FAM107B: variants seen among roughly 807,000 people sequenced by gnomAD.
FAM107B encodes the protein family with sequence similarity 107 member B, also known as protein FAM107B.
FAM107B carries 21 observed loss-of-function variants against 31.5 expected under a neutral mutation model. The observed-to-expected ratio is 0.67, with a 90% CI of 0.47 to 0.96. The LOEUF (loss-of-function observed/expected upper bound fraction) is 0.96, where lower values mean the gene tolerates loss of function less well. FAM107B is among the 40% of genes least tolerant of loss of function. FAM107B has a pLI of 0.00. For missense variants in FAM107B, 452 were observed against 377.1 expected (o/e 1.20, Z -1.64); for synonymous variants, 157 against 141.5 (o/e 1.11, Z -0.78).
In FAM107B at chr10:14,771,028, G is replaced by T. The variant is rs1833290720; in HGVS notation, c.411+3225C>A. The stretch of plus-strand genomic sequence containing the variant: ...AAGATTATTTGTGGCCTCTACAGAG[G>T]CAGCTTAAATAATGAGGATCAGTGC... On this transcript the variant is annotated intron_variant, in intron 1 of 4. Transcript: ENST00000181796. Among the ~76,000 whole-genome samples, 3 of 148,184 alleles carry T rather than the reference G, an allele frequency of 2.0e-5. No individual in the cohort carries two copies. In the South Asian group the frequency reaches 6.5e-4, roughly 32 times the overall value.
intron 1 of FAM107B, among the ~76,000 whole-genome samples, chr10:14,744,624 T>C (rs1430227496): frequency 1.3e-5 from 2 of 152,234 alleles, no homozygotes; most frequent in Non-Finnish European, 2.9e-5. Context: ...TTGTCTTTAG[T>C]TCTGTTTTTG....
intron 3 of FAM107B, among the ~76,000 whole-genome samples, chr10:14,524,093 G>A (rs1439830647): frequency 6.7e-6 from 1 of 150,268 alleles, no homozygotes; most frequent in Non-Finnish European, 1.5e-5. Flanking sequence ...CCAGGATGGA[G>A]TGCAATGGCA....
At chr10:14,669,146 T>C (rs185674529) in intron 1 of FAM107B, among the ~76,000 whole-genome samples, 73 of 152,060 alleles carry the variant, frequency 4.8e-4, no homozygotes, top group Admixed American at 2.4e-3. Context: ...GGCGGGTGGA[T>C]TGCCTGAGCC....
At chr10:14,718,430 A>AGAGG (rs1419985962) in intron 1 of FAM107B, among the ~76,000 whole-genome samples, 2 of 142,556 alleles carry the variant, frequency 1.4e-5, no homozygotes, top group Non-Finnish European at 3.1e-5. Flanking sequence ...AGAAAGAAAG[A>AGAGG]GAGGGAGGGA....
At chr10:14,557,545 ATTCT>A (rs139716314) in intron 2 of FAM107B, among the ~76,000 whole-genome samples, 3,442 of 152,280 alleles carry the variant, frequency 0.023, 66 homozygotes, top group East Asian at 0.089. Context: ...TTAAAATGGG[ATTCT>A]TTGTCATTTA....
intron 1 of FAM107B, among the ~76,000 whole-genome samples, chr10:14,740,597 G>A (rs1329432353): frequency 6.6e-6 from 1 of 152,112 alleles, no homozygotes; most frequent in Admixed American, 6.5e-5. Flanking sequence ...ATGCGTATAT[G>A]GGCTTTAGTT....
chr10:14,664,102 CT>C (rs1239790280), intron 2 of FAM107B, among the ~76,000 whole-genome samples: 6 of 152,164 alleles, frequency 3.9e-5, no homozygotes, highest in Admixed American at 1.3e-4. Flanking sequence ...CTTTCACCTC[CT>C]TAGTGCTCCC....
intron 1 of FAM107B, among the ~76,000 whole-genome samples, chr10:14,711,957 CTGT>C (rs888439558): frequency 3.3e-5 from 5 of 152,194 alleles, no homozygotes; most frequent in Non-Finnish European, 7.3e-5. Flanking sequence ...AGATGTATCC[CTGT>C]TGTTAAGTGA....
At chr10:14,588,219 T>C (rs1851905829) in intron 2 of FAM107B, among the ~76,000 whole-genome samples, 1 of 151,630 alleles carries the variant, frequency 6.6e-6, no homozygotes, top group Non-Finnish European at 1.5e-5. Context: ...GTGCAAGCTG[T>C]TCTGTTTCCA....
intron 2 of FAM107B, among the ~76,000 whole-genome samples, chr10:14,588,383 T>C (rs1851911086): frequency 6.6e-6 from 1 of 152,216 alleles, no homozygotes; most frequent in African/African-American, 2.4e-5. Flanking sequence ...AAATACCAGA[T>C]AGCTGCAAAG....
intron 2 of FAM107B, among the ~76,000 whole-genome samples, chr10:14,657,880 A>G (rs926459014): frequency 3.3e-5 from 5 of 151,096 alleles, no homozygotes; most frequent in African/African-American, 9.8e-5. Flanking sequence ...GCGCGATCCC[A>G]GCTCACTGCA....
At chr10:14,663,955 C>T (rs1854336155) in intron 2 of FAM107B, among the ~76,000 whole-genome samples, 1 of 137,716 alleles carries the variant, frequency 7.3e-6, no homozygotes, top group African/African-American at 2.7e-5. Context: ...ATCCAATTTA[C>T]AGTATTTGGG....
At position 14,638,213 on chromosome 10, in the gene FAM107B, A is replaced by G. The variant is rs533241815; in HGVS notation, c.469+29421T>C. ...TCTTCTTTGTTTTTGGTCCCTGGGA[A>G]TTTCTATTATTTTCTTTAACAATTA... is the stretch of plus-strand genomic sequence containing the variant. On this transcript the variant is annotated intron_variant, in intron 2 of 4. Transcript: ENST00000181796. 1.2e-3 allele frequency among the ~76,000 whole-genome samples: 179 copies of G among 151,336 alleles called. 2 individuals carry two copies. The highest frequency in any genetic ancestry group is 1.6e-3 in the Non-Finnish European group (111 of 67,866).
intron 2 of FAM107B, among the ~76,000 whole-genome samples, chr10:14,552,044 A>T (rs922513267): frequency 1.3e-5 from 2 of 152,220 alleles, no homozygotes; most frequent in Non-Finnish European, 2.9e-5. Context: ...TATTTTATTT[A>T]GTGTAGAGAA....
At chr10:14,609,577 G>C (rs1424217077) in intron 2 of FAM107B, among the ~76,000 whole-genome samples, 1 of 152,098 alleles carries the variant, frequency 6.6e-6, no homozygotes, top group Non-Finnish European at 1.5e-5. Context: ...CTCTGACTTG[G>C]CCATCTAGGG....
At chr10:14,614,114 GAGTGAGACTCC>G (rs1852793835) in intron 2 of FAM107B, among the ~76,000 whole-genome samples, 1 of 151,892 alleles carries the variant, frequency 6.6e-6, no homozygotes, top group African/African-American at 2.4e-5. Flanking sequence ...CTGGGCGTCA[GAGTGAGACTCC>G]ATCTCAATAA....
chr10:14,603,984 A>C (rs1852495376), intron 2 of FAM107B, among the ~76,000 whole-genome samples: 3 of 147,370 alleles, frequency 2.0e-5, no homozygotes, highest in Admixed American at 2.0e-4. Flanking sequence ...CCTTCCCCGC[A>C]GCGGCCCCCG....
chr10:14,543,442 G>A (rs1321000171), intron 2 of FAM107B, among the ~76,000 whole-genome samples: 1 of 152,090 alleles, frequency 6.6e-6, no homozygotes, highest in Non-Finnish European at 1.5e-5. Flanking sequence ...TCGGCCTCCT[G>A]AGCTCGGGAG....
chr10:14,701,891 A>G (rs990425211), intron 1 of FAM107B, among the ~76,000 whole-genome samples: 1 of 152,246 alleles, frequency 6.6e-6, no homozygotes, highest in Non-Finnish European at 1.5e-5. Flanking sequence ...AGTTCAGTAC[A>G]CTGAAATTTA....
Sources: gnomAD v4.1 joint callset for allele counts (sites outside exome capture counted in the v4.1 genomes callset) on GRCh38, gnomAD v4.1.1 for gene constraint, MANE v1.5 for transcripts, NCBI Gene and HGNC (gene_info 2026-07-23, HGNC 2026-07-21) for gene names.